Variants in SLC9A2 observed in about 807,000 individuals in gnomAD.
The protein encoded by SLC9A2 is sodium/hydrogen exchanger 2.
A neutral mutation model predicts 71.7 loss-of-function variants in SLC9A2; 42 were observed. The ratio of observed to expected loss-of-function variants is 0.59; its 90% confidence interval spans 0.46 to 0.76. SLC9A2 has a LOEUF of 0.76. Ranked by LOEUF, SLC9A2 falls within the 30% of genes least tolerant of loss-of-function variation. The pLI is 0.00. For synonymous variants in SLC9A2, 396 were observed against 392.5 expected, an observed-to-expected ratio of 1.01 and a Z score of -0.10; for missense variants, 829 against 1,017.4, an observed-to-expected ratio of 0.81 and a Z score of 2.52.
chr2:102,656,874 C>T (rs1676952837), intron 1 of SLC9A2, among the ~76,000 whole-genome samples: 1 of 152,146 alleles, frequency 6.6e-6, no homozygotes, highest in African/African-American at 2.4e-5. Context: ...TGAGATGTTA[C>T]ATCTGAAAGT....
chr2:102,683,735 A>G (rs529119168), intron 4 of SLC9A2, among the ~76,000 whole-genome samples: 1 of 120,854 alleles, frequency 8.3e-6, no homozygotes, highest in Non-Finnish European at 1.8e-5. Flanking sequence ...CTCATCCTCC[A>G]TCCTCCTGTT....
chr2:102,654,967 G>A (rs1676909528), intron 1 of SLC9A2, among the ~76,000 whole-genome samples: 2 of 152,162 alleles, frequency 1.3e-5, no homozygotes, highest in African/African-American at 4.8e-5. Context: ...ACCTGTATAA[G>A]GCACTTACTA....
chr2:102,705,624 T>A (rs976082427), intron 10 of SLC9A2, among the ~76,000 whole-genome samples: 11 of 152,206 alleles, frequency 7.2e-5, no homozygotes, highest in African/African-American at 2.2e-4. Flanking sequence ...CTAATTTATT[T>A]CCCACTTATT....
At chr2:102,675,981 T>C (rs72999551) in intron 3 of SLC9A2, among the ~76,000 whole-genome samples, 10,233 of 152,288 alleles carry the variant, frequency 0.067, 706 homozygotes, top group African/African-American at 0.18. Flanking sequence ...ATATAGGCCT[T>C]GGATGGGGCA....
chr2:102,707,621 T>A (rs1389579667), intron 11 of SLC9A2, among the ~76,000 whole-genome samples: 1 of 152,174 alleles, frequency 6.6e-6, no homozygotes, highest in Non-Finnish European at 1.5e-5. Flanking sequence ...AAAACCATGT[T>A]TGAGGTTCCA....
At chr2:102,675,506 T>C (rs960853535) in intron 3 of SLC9A2, among the ~76,000 whole-genome samples, 1 of 152,184 alleles carries the variant, frequency 6.6e-6, no homozygotes, top group Non-Finnish European at 1.5e-5. Flanking sequence ...GTGAAAGCTG[T>C]AGGTCACGGC....
At chr2:102,631,602 T>C (rs1037636125) in intron 1 of SLC9A2, among the ~76,000 whole-genome samples, 4 of 152,084 alleles carry the variant, frequency 2.6e-5, no homozygotes, top group African/African-American at 2.4e-5. Context: ...GAGACACCAT[T>C]TGTGTCCATA....
At chr2:102,697,689 G>T (rs1463706101) in intron 7 of SLC9A2, among the ~76,000 whole-genome samples, 1 of 146,930 alleles carries the variant, frequency 6.8e-6, no homozygotes. Flanking sequence ...GTGGGTGCGG[G>T]GGGATGTGGT....
intron 4 of SLC9A2, among the ~76,000 whole-genome samples, 187 bp from the exon 5 acceptor site, chr2:102,683,947 C>T (rs1485184898): frequency 6.6e-6 from 1 of 152,162 alleles, no homozygotes; most frequent in Non-Finnish European, 1.5e-5. Context: ...TTTTCACCCA[C>T]AATCCTGAAA....
At chr2:102,625,080 G>T (rs1166199682) in intron 1 of SLC9A2, among the ~76,000 whole-genome samples, 3 of 152,080 alleles carry the variant, frequency 2.0e-5, no homozygotes, top group African/African-American at 7.3e-5. Context: ...CTAAATTCAG[G>T]AGTTTCTGGT....
At chr2:102,679,129 C>G (rs1376102130) in intron 3 of SLC9A2, among the ~76,000 whole-genome samples, 2 of 152,178 alleles carry the variant, frequency 1.3e-5, no homozygotes, top group Admixed American at 6.5e-5. Context: ...GTGCCACAGA[C>G]ATGCACACAC....
rs930806174 is a variant in SLC9A2, at chr2:102,711,211, G to GT, written c.*2727dup. 1.3e-5 allele frequency: 2 copies of GT among 152,204 alleles called. No individual in the cohort carries two copies. Among genetic ancestry groups the GT allele is most frequent in the Non-Finnish European group, 2.9e-5 (2 of 67,998 alleles). The allele number at this position is 152,204 out of a possible 1,614,324, so 9.4% of individuals were successfully genotyped here. On this transcript the variant is annotated 3_prime_UTR_variant, in exon 12 of 12. Coordinates refer to ENST00000233969, the MANE Select transcript of SLC9A2 (RefSeq NM_003048.6). Reference sequence around the variant, plus strand: ...TTGCATTTATTGTACTGCCCAAATTGTTTTTATGTTAAAAGTCACGTTTCA... The same window carrying GT: ...TTGCATTTATTGTACTGCCCAAATTGTTTTTTATGTTAAAAGTCACGTTTCA...
At chr2:102,702,748 C>T (rs1226380843) in intron 9 of SLC9A2, among the ~76,000 whole-genome samples, 1 of 152,102 alleles carries the variant, frequency 6.6e-6, no homozygotes. Context: ...AAGAAATACA[C>T]GTTGACTAAT....
intron 2 of SLC9A2, 76 bp from the exon 3 acceptor site, chr2:102,664,997 AAGAAATGTCCTTATTAGAAGTCCAGGT>A: frequency 8.1e-7 from 1 of 1,232,762 alleles, no homozygotes; most frequent in South Asian, 1.5e-5. Context: ...GGGTACACAG[AAGAAATGTCCTTATTAGAAGTCCAGGT>A]AGATGTGTTT....
chr2:102,683,562 G>C (rs1002776468), intron 4 of SLC9A2, 84 bp downstream of exon 4: 5 of 1,051,684 alleles, frequency 4.8e-6, no homozygotes, highest in Non-Finnish European at 7.1e-6. Flanking sequence ...CCTTTCTGCT[G>C]TTGTGGATTC....
rs147592934 is a variant in SLC9A2 at position 102,674,444 on chromosome 2, C to T, written c.1005-8817C>T. 4.6e-3 allele frequency among the ~76,000 whole-genome samples: 695 copies of T among 152,310 alleles called. 5 individuals carry two copies. The highest frequency in any genetic ancestry group is 0.016 in the African/African-American group (675 of 41,560). Reference sequence around the variant, plus strand: ...AGTCTGCCTGCAGCTCCTCTTGATGCTGTAGCATTTCTCTTATGTACTCAC... The same window carrying T: ...AGTCTGCCTGCAGCTCCTCTTGATGTTGTAGCATTTCTCTTATGTACTCAC... On this transcript the variant is annotated intron_variant, in intron 3 of 11. Coordinates refer to ENST00000233969, the MANE Select transcript of SLC9A2 (RefSeq NM_003048.6).
chr2:102,670,360 T>G (rs1481294672), intron 3 of SLC9A2, among the ~76,000 whole-genome samples: 1 of 152,030 alleles, frequency 6.6e-6, no homozygotes, highest in Admixed American at 6.5e-5. Context: ...TAATAATTCC[T>G]TAGTATTTCT....
At chr2:102,659,960 G>A (rs1677020009) in intron 2 of SLC9A2, among the ~76,000 whole-genome samples, 1 of 152,174 alleles carries the variant, frequency 6.6e-6, no homozygotes, top group Non-Finnish European at 1.5e-5. Flanking sequence ...GCTCAGTAGA[G>A]TCAAATTCAT....
chr2:102,665,414 C>T, intron 3 of SLC9A2, 64 bp downstream of exon 3: 3 of 1,463,888 alleles, frequency 2.0e-6, no homozygotes, highest in Non-Finnish European at 9.3e-7. Flanking sequence ...CATTCTCAGC[C>T]AAGATATTAA....
Sources: gnomAD v4.1 joint callset for allele counts (sites outside exome capture counted in the v4.1 genomes callset) on GRCh38, gnomAD v4.1.1 for gene constraint, MANE v1.5 for transcripts, NCBI Gene and HGNC (gene_info 2026-07-23, HGNC 2026-07-21) for gene names.